LYPD1: variants seen among roughly 807,000 people sequenced by gnomAD.
LYPD1 encodes LY6/PLAUR domain containing 1, also known as ly6/PLAUR domain-containing protein 1.
A neutral mutation model predicts 14.2 loss-of-function variants in LYPD1; 14 were observed. That is an observed-to-expected ratio of 0.99 (90% CI 0.65 to 1.54). LYPD1 has a LOEUF of 1.54. Among genes scored for constraint, LYPD1 ranks in the 40% most tolerant of loss-of-function variants. The pLI, the probability that LYPD1 is intolerant of heterozygous loss-of-function variation, is 0.00. For synonymous variants in LYPD1, 85 were observed against 70.6 expected (o/e 1.20, Z -1.02); for missense variants, 165 against 175.7 (o/e 0.94, Z 0.34).
intron 2 of LYPD1, among the ~76,000 whole-genome samples, chr2:132,650,703 T>TCCTC (rs1390063362): frequency 2.2e-5 from 3 of 138,694 alleles, no homozygotes; most frequent in African/African-American, 8.9e-5. Flanking sequence ...CCTCCCTTCC[T>TCCTC]CCTCCTTCCT....
At chr2:132,657,047 T>G (rs998504412) in intron 2 of LYPD1, among the ~76,000 whole-genome samples, 3 of 152,242 alleles carry the variant, frequency 2.0e-5, no homozygotes, top group African/African-American at 7.2e-5. Flanking sequence ...TTGTTTTCCT[T>G]GTAACAGGGA....
intron 2 of LYPD1, 136 bp downstream of exon 2, chr2:132,668,264 G>T: frequency 1.7e-6 from 2 of 1,169,862 alleles, no homozygotes; most frequent in Non-Finnish European, 1.2e-6. Context: ...TCCCAGCACT[G>T]TAAAACTAAA....
upstream of LYPD1, among the ~76,000 whole-genome samples, chr2:132,670,455 G>A (rs1683635243): frequency 1.3e-5 from 2 of 152,170 alleles, no homozygotes; most frequent in Non-Finnish European, 2.9e-5. The surrounding 1 kb of genome is among the most constrained non-coding windows in gnomAD (Gnocchi z 4.5). Flanking sequence ...GGAGCGGCGA[G>A]GAGGGCGCAG....
chr2:132,661,774 C>A (rs1682956439), intron 2 of LYPD1, among the ~76,000 whole-genome samples: 1 of 152,044 alleles, frequency 6.6e-6, no homozygotes, highest in Non-Finnish European at 1.5e-5. Flanking sequence ...AATAAAGTTT[C>A]TTTTGGGGTG....
At chr2:132,670,446 G>A (rs896780875), upstream of LYPD1, among the ~76,000 whole-genome samples, 4 of 152,166 alleles carry the variant, frequency 2.6e-5, no homozygotes, top group African/African-American at 7.2e-5. The surrounding 1 kb of genome is among the most constrained non-coding windows in gnomAD (Gnocchi z 4.5). Context: ...GAGGTTGGGG[G>A]AGCGGCGAGG....
At position 132,669,980 on chromosome 2, in the gene LYPD1, C is replaced by A; in HGVS notation, c.-48G>T. 2 of 1,601,996 alleles carry A rather than the reference C, an allele frequency of 1.2e-6. No homozygotes were observed. Among genetic ancestry groups the A allele is most frequent in the East Asian group, 2.3e-5 (1 of 44,230 alleles). On this transcript the variant is annotated 5_prime_UTR_variant, in exon 1 of 3. Coordinates refer to ENST00000397463, the MANE Select transcript of LYPD1 (RefSeq NM_144586.7). This position sits in a 1 kb window ranked among gnomAD's most constrained non-coding sequence, Gnocchi z 4.3. ...GAGAGGGCAAGCGCATCAGAGGAGG[C>A]GACAGCAGCGGAGGCTGCCCCGGCT...
At chr2:132,670,236 GT>G, upstream of LYPD1, 1 of 757,876 alleles carries the variant, frequency 1.3e-6, no homozygotes, top group South Asian at 2.4e-5. This position sits in a 1 kb window ranked among gnomAD's most constrained non-coding sequence, Gnocchi z 4.5. Context: ...ACCCACAAAA[GT>G]CTCGCCTTTT....
Position 132,666,779 on chromosome 2 carries a change from A to T in LYPD1, c.190+1621T>A, listed in dbSNP as rs566959761. The T allele has an allele frequency of 2.9e-4, 44 of 152,328 alleles. No homozygotes were observed. The Middle Eastern group carries it at 0.01, about 35-fold the overall frequency. The allele number at this position is 152,328 out of a possible 1,614,324, so 9.4% of individuals were successfully genotyped here. ...TTAGAGAAGAAGAAATGTGTCTCAG[A>T]AAAAGGACCTCTTCTGACTCAAATT... On this transcript the variant is annotated intron_variant, in intron 2 of 2. Transcript: ENST00000397463.
rs1681923833 is a variant in LYPD1 at position 132,643,860 on chromosome 2, G to A, written c.*2185C>T. Among the ~76,000 whole-genome samples, 1 of 152,210 alleles carries A rather than the reference G, an allele frequency of 6.6e-6. No homozygotes were observed. The highest frequency in any genetic ancestry group is 1.5e-5 in the Non-Finnish European group (1 of 68,046). On this transcript the variant is annotated 3_prime_UTR_variant, in exon 3 of 3. Coordinates refer to ENST00000397463, the MANE Select transcript of LYPD1 (RefSeq NM_144586.7). ...AATATTTACCATGGGTCATAGGCAGGAAGCATTCATTGCCAACTGTCACTT... is the reference window on the plus strand; with the variant it reads ...AATATTTACCATGGGTCATAGGCAGAAAGCATTCATTGCCAACTGTCACTT...
chr2:132,649,099 G>T (rs1682258643), intron 2 of LYPD1, among the ~76,000 whole-genome samples: 1 of 152,212 alleles, frequency 6.6e-6, no homozygotes, highest in African/African-American at 2.4e-5. Context: ...GCTGGTGTCA[G>T]GGTATGGAGG....
chr2:132,669,906 A>G lies in LYPD1; in HGVS notation c.27T>C (p.Thr9=), dbSNP rs748863194. 21 of 1,612,774 alleles carry G rather than the reference A, an allele frequency of 1.3e-5. No homozygotes were observed. The South Asian group carries it at 2.1e-4, about 16-fold the overall frequency. ...CTGGAAGCAAGAACAATCCGCAAAA[A>G]GTTGCCGCGATGCCTAGGACCCACA... MWVLGIAA[T]FCGLFLLPGF... is the part of the protein sequence containing the mutation. Residue 9 remains threonine, a synonymous_variant, in exon 1 of 3, where the codon ACT becomes ACC. Transcript: ENST00000397463. The surrounding 1 kb of genome is among the most constrained non-coding windows in gnomAD (Gnocchi z 4.3).
intron 2 of LYPD1, among the ~76,000 whole-genome samples, chr2:132,661,960 G>T (rs958546599): frequency 6.7e-6 from 1 of 148,402 alleles, no homozygotes; most frequent in Non-Finnish European, 1.5e-5. Context: ...AAAAAAACCT[G>T]GAGAAGTGAA....
intron 2 of LYPD1, among the ~76,000 whole-genome samples, chr2:132,661,129 C>T (rs954376010): frequency 6.6e-6 from 1 of 152,116 alleles, no homozygotes; most frequent in Non-Finnish European, 1.5e-5. Context: ...AGGACGGTGG[C>T]CTAAGAGTGA....
At chr2:132,667,586 A>T (rs1008259338) in intron 2 of LYPD1, among the ~76,000 whole-genome samples, 1 of 152,200 alleles carries the variant, frequency 6.6e-6, no homozygotes, top group Non-Finnish European at 1.5e-5. Context: ...TCCTTTTAAT[A>T]TCCTTAAAAT....
rs1180944589 is a variant in LYPD1 at position 132,655,514 on chromosome 2, A to ATTTTTTTTTTTTTT, written c.191-9248_191-9235dup. On this transcript the variant is annotated intron_variant, in intron 2 of 2. Transcript: ENST00000397463. ...ATGATTCTCTTGGGGGTTGAGAAGCATTTTTTTTTTTTTTTTTTGAGATGG... is the reference window on the plus strand; with the variant it reads ...ATGATTCTCTTGGGGGTTGAGAAGCATTTTTTTTTTTTTTTTTTTTTTTTTTTTTTTTGAGATGG... Among the ~76,000 whole-genome samples the ATTTTTTTTTTTTTT allele has an allele frequency of 8.7e-4, 87 of 99,452 alleles. 8 individuals carry two copies. The highest frequency in any genetic ancestry group is 3.2e-3 in the African/African-American group (67 of 20,794). The allele number at this position is 99,452 out of a possible 152,430, so 65.2% of individuals were successfully genotyped here. A position where few individuals can be genotyped will look rare whatever the true frequency, so the allele number is the denominator to read the frequency against.
At chr2:132,646,640 G>A (rs1035621330) in intron 2 of LYPD1, 8 of 185,632 alleles carry the variant, frequency 4.3e-5, no homozygotes, top group Non-Finnish European at 7.7e-5. Flanking sequence ...ACTGTCTCAT[G>A]CCAGTGAGGC....
At chr2:132,646,699 C>T (rs1682110471) in intron 2 of LYPD1, 1 of 157,100 alleles carries the variant, frequency 6.4e-6, no homozygotes, top group South Asian at 2.1e-4. Flanking sequence ...TATAAGCGGC[C>T]ACAGAGCGCT....
chr2:132,670,061 C>A lies in LYPD1; in HGVS notation c.-129G>T, dbSNP rs777238649. 8 of 1,523,526 alleles carry A rather than the reference C, an allele frequency of 5.3e-6. No individual in the cohort carries two copies. In the African/African-American group the frequency reaches 8.4e-5, roughly 16 times the overall value. The allele number at this position is 1,523,526 out of a possible 1,614,324, so 94.4% of individuals were successfully genotyped here. ...GCCCGCGCTGCTGCCGCGGAGACGA[C>A]GGTCGTAGCTTAGAGGAGCCGCAGG... On this transcript the variant is annotated 5_prime_UTR_variant, in exon 1 of 3. Coordinates refer to ENST00000397463, the MANE Select transcript of LYPD1 (RefSeq NM_144586.7). This position sits in a 1 kb window ranked among gnomAD's most constrained non-coding sequence, Gnocchi z 4.5.
rs1052925695 is a variant in LYPD1 at position 132,643,730 on chromosome 2, G to A, written c.*2315C>T. Among the ~76,000 whole-genome samples, 1 of 152,136 alleles carries A rather than the reference G, an allele frequency of 6.6e-6. No homozygotes were observed. Among genetic ancestry groups the A allele is most frequent in the South Asian group, 2.1e-4 (1 of 4,826 alleles). ...AGATGGGGTCTTGCTATGTTGCCTAGGTGGGTCTCAAATTTCTAGGCTTAA... is the reference window on the plus strand; with the variant it reads ...AGATGGGGTCTTGCTATGTTGCCTAAGTGGGTCTCAAATTTCTAGGCTTAA... On this transcript the variant is annotated 3_prime_UTR_variant, in exon 3 of 3. Transcript: ENST00000397463.
Sources: allele counts gnomAD v4.1 joint callset (sites outside exome capture counted in the v4.1 genomes callset), GRCh38; gene constraint gnomAD v4.1.1; non-coding constraint Gnocchi (gnomAD v3.1); transcripts MANE v1.5; gene names NCBI Gene and HGNC (gene_info 2026-07-23, HGNC 2026-07-21).